DNAJC15: variants seen among roughly 807,000 people sequenced by gnomAD.
DNAJC15 encodes dnaJ homolog subfamily C member 15.
Under a neutral mutation model 22.4 loss-of-function variants are expected in DNAJC15, and 27 were observed. The ratio of observed to expected loss-of-function variants is 1.20; its 90% CI spans 0.89 to 1.66. The LOEUF (loss-of-function observed/expected upper bound fraction) is 1.66, where lower values mean the gene tolerates loss of function less well. DNAJC15 is among the 40% of genes most tolerant of loss of function. The probability of loss-of-function intolerance (pLI) is 0.00; values close to 1 mark genes in which losing one functional copy is unlikely to be tolerated. For synonymous variants in DNAJC15, 79 were observed against 63.2 expected (o/e 1.25, Z -1.19); for missense variants, 208 against 187.1 (o/e 1.11, Z -0.65).
At chr13:43,033,009 G>T (rs1259034365) in intron 1 of DNAJC15, among the ~76,000 whole-genome samples, 1 of 152,144 alleles carries the variant, frequency 6.6e-6, no homozygotes, top group East Asian at 1.9e-4. Context: ...GGCCAGAGCG[G>T]GAGGAAGACA....
chr13:43,024,544 C>G (rs1489590904), intron 1 of DNAJC15, among the ~76,000 whole-genome samples: 4 of 151,706 alleles, frequency 2.6e-5, no homozygotes, highest in Non-Finnish European at 5.9e-5. Flanking sequence ...GGGGGTTTCA[C>G]CGTGTTAGCC....
chr13:43,025,663 G>A (rs1471759897), intron 1 of DNAJC15, among the ~76,000 whole-genome samples: 1 of 152,212 alleles, frequency 6.6e-6, no homozygotes, highest in Non-Finnish European at 1.5e-5. Flanking sequence ...CCAGCAATTT[G>A]GGAGGCTGAG....
At chr13:43,094,270 T>C (rs986412606) in intron 5 of DNAJC15, among the ~76,000 whole-genome samples, 1 of 152,222 alleles carries the variant, frequency 6.6e-6, no homozygotes, top group Non-Finnish European at 1.5e-5. Context: ...ATCATCCAAA[T>C]GTTGATGTAT....
intron 1 of DNAJC15, among the ~76,000 whole-genome samples, chr13:43,059,249 CAA>C (rs1447021150): frequency 6.6e-6 from 1 of 151,966 alleles, no homozygotes; most frequent in African/African-American, 2.4e-5. Flanking sequence ...ATTAAAAACT[CAA>C]GTTTTTATTA....
intron 3 of DNAJC15, among the ~76,000 whole-genome samples, chr13:43,077,366 C>T (rs536250175): frequency 7.2e-5 from 11 of 152,232 alleles, no homozygotes; most frequent in African/African-American, 2.6e-4. Context: ...TAAACAACTC[C>T]AGAAAGAAAG....
chr13:43,023,760 C>T (rs762185141), intron 1 of DNAJC15, 26 bp downstream of exon 1: 9 of 1,576,210 alleles, frequency 5.7e-6, no homozygotes, highest in Middle Eastern at 1.7e-4. Context: ...GGCCCCCACC[C>T]CTCTCTGGCT....
intron 5 of DNAJC15, among the ~76,000 whole-genome samples, chr13:43,089,701 A>T (rs9533383): frequency 0.21 from 31,728 of 152,166 alleles, 4,260 homozygotes; most frequent in Non-Finnish European, 0.3. Flanking sequence ...ATAAGATTTT[A>T]ACTTTGTTCC....
At chr13:43,045,536 C>CA (rs2040473200) in intron 1 of DNAJC15, among the ~76,000 whole-genome samples, 1 of 152,166 alleles carries the variant, frequency 6.6e-6, no homozygotes, top group Non-Finnish European at 1.5e-5. Flanking sequence ...CACTGGTAGT[C>CA]AGAGTGAAAC....
chr13:43,102,027 C>T (rs538517446), intron 5 of DNAJC15, among the ~76,000 whole-genome samples: 1 of 152,228 alleles, frequency 6.6e-6, no homozygotes, highest in Admixed American at 6.5e-5. Flanking sequence ...AGTGGTTATA[C>T]TAGTTATACT....
chr13:43,061,875 A>C (rs66547451), intron 1 of DNAJC15, among the ~76,000 whole-genome samples: 9,647 of 152,304 alleles, frequency 0.063, 455 homozygotes, highest in Non-Finnish European at 0.099. Flanking sequence ...GATCTTTAGG[A>C]GATAAGCATA....
chr13:43,092,401 C>T (rs1175051150), intron 5 of DNAJC15, among the ~76,000 whole-genome samples: 1 of 151,874 alleles, frequency 6.6e-6, no homozygotes, highest in Non-Finnish European at 1.5e-5. Flanking sequence ...AGAATGCAGT[C>T]ATTTTAAGTG....
intron 1 of DNAJC15, among the ~76,000 whole-genome samples, chr13:43,053,194 G>T (rs2040513594): frequency 6.6e-6 from 1 of 152,008 alleles, no homozygotes; most frequent in Non-Finnish European, 1.5e-5. Flanking sequence ...TTTGCTTTGT[G>T]GAAGATCAGT....
intron 1 of DNAJC15, among the ~76,000 whole-genome samples, chr13:43,064,979 A>G (rs1414208913): frequency 1.3e-5 from 2 of 152,174 alleles, no homozygotes; most frequent in Non-Finnish European, 2.9e-5. Context: ...TGAAAAAAAA[A>G]AAAAAAGAGA....
At chr13:43,076,635 G>A (rs1034844583) in intron 3 of DNAJC15, among the ~76,000 whole-genome samples, 1 of 152,222 alleles carries the variant, frequency 6.6e-6, no homozygotes, top group African/African-American at 2.4e-5. Flanking sequence ...GCTTAGAAAC[G>A]TTTAATGCCT....
chr13:43,032,670 C>G (rs2040408952), intron 1 of DNAJC15, among the ~76,000 whole-genome samples: 2 of 151,942 alleles, frequency 1.3e-5, no homozygotes. Context: ...CTAAAAAATA[C>G]AAAAATTAGC....
chr13:43,081,548 C>G (rs1180367574), intron 4 of DNAJC15, among the ~76,000 whole-genome samples: 4 of 151,968 alleles, frequency 2.6e-5, no homozygotes, highest in African/African-American at 9.7e-5. Flanking sequence ...ACGCCATTCT[C>G]CTGCCTCAGC....
At chr13:43,059,644 A>T (rs1251716364) in intron 1 of DNAJC15, among the ~76,000 whole-genome samples, 2 of 152,162 alleles carry the variant, frequency 1.3e-5, no homozygotes, top group African/African-American at 4.8e-5. Flanking sequence ...AATCCCCTCA[A>T]ATTGTATACA....
Position 43,106,259 on chromosome 13 carries a change from C to CA in DNAJC15, c.383-916dup. 3.3e-5 allele frequency among the ~76,000 whole-genome samples: 5 copies of CA among 152,184 alleles called. 1 individual carries two copies. The highest frequency in any genetic ancestry group is 3.3e-4 in the Admixed American group (5 of 15,284). On this transcript the variant is annotated intron_variant, in intron 5 of 5. Coordinates refer to ENST00000379221, the MANE Select transcript of DNAJC15 (RefSeq NM_013238.3). ...AGGGGAGAATACAAAATAAAAAACA[C>CA]AAAGAGACTGGTGAGCTGTAATATG...
At chr13:43,024,234 T>A (rs150439107) in intron 1 of DNAJC15, among the ~76,000 whole-genome samples, 20 of 151,096 alleles carry the variant, frequency 1.3e-4, no homozygotes, top group African/African-American at 4.9e-4. Context: ...AGTTGGAAAC[T>A]CCAAGTGGTG....
Sources: gnomAD v4.1 joint callset for allele counts (sites outside exome capture counted in the v4.1 genomes callset) on GRCh38, gnomAD v4.1.1 for gene constraint, MANE v1.5 for transcripts, NCBI Gene and HGNC (gene_info 2026-07-23, HGNC 2026-07-21) for gene names.